ACSM6: variants seen among roughly 807,000 people sequenced by gnomAD.
ACSM6 encodes the protein acyl-CoA synthetase medium chain family member 6, also known as acyl-coenzyme A synthetase ACSM6, mitochondrial.
ACSM6 carries 35 observed loss-of-function variants against 51.1 expected under a neutral mutation model. That is an observed-to-expected ratio of 0.69 (90% confidence interval 0.52 to 0.91). The LOEUF is 0.91. Among genes scored for constraint, ACSM6 ranks in the 40% least tolerant of loss-of-function variants. The probability of loss-of-function intolerance (pLI) is 0.00; values close to 1 mark genes in which losing one functional copy is unlikely to be tolerated. For missense variants in ACSM6, 509 were observed against 584.1 expected, an observed-to-expected ratio of 0.87 and a Z score of 1.32; for synonymous variants, 172 against 207.3, an observed-to-expected ratio of 0.83 and a Z score of 1.46.
At chr10:95,200,078 A>C (rs1291467340) in intron 2 of ACSM6, among the ~76,000 whole-genome samples, 1 of 152,180 alleles carries the variant, frequency 6.6e-6, no homozygotes, top group Non-Finnish European at 1.5e-5. Flanking sequence ...CACTATTCAC[A>C]ATAGCAAAGA....
At chr10:95,210,523 A>C in intron 4 of ACSM6, 127 bp from the exon 5 acceptor site, 2 of 1,005,210 alleles carry the variant, frequency 2.0e-6, no homozygotes, top group Non-Finnish European at 2.8e-6. Context: ...TCTAACAAAT[A>C]ATCCTCAAAT....
intron 3 of ACSM6, among the ~76,000 whole-genome samples, chr10:95,206,733 G>C (rs2034842130): frequency 6.6e-6 from 1 of 152,162 alleles, no homozygotes; most frequent in South Asian, 2.1e-4. Context: ...GTCCACAATA[G>C]GTGTTCTATG....
At chr10:95,220,833 C>T (rs1163736760) in intron 9 of ACSM6, among the ~76,000 whole-genome samples, 3 of 151,968 alleles carry the variant, frequency 2.0e-5, no homozygotes, top group Non-Finnish European at 2.9e-5. Flanking sequence ...ATAGGTACTA[C>T]ATTATATTAA....
At chr10:95,212,721 G>A (rs2034905293) in intron 6 of ACSM6, 137 bp from the exon 7 acceptor site, 1 of 663,118 alleles carries the variant, frequency 1.5e-6, no homozygotes, top group Non-Finnish European at 2.7e-6. Flanking sequence ...AAGTCTTTGA[G>A]ATAAAAGGCA....
At chr10:95,197,669 C>T (rs200295458) in intron 2 of ACSM6, among the ~76,000 whole-genome samples, 1 of 152,004 alleles carries the variant, frequency 6.6e-6, no homozygotes, top group South Asian at 2.1e-4. Context: ...GGTTTTATAC[C>T]GAGACATTCA....
intron 3 of ACSM6, among the ~76,000 whole-genome samples, chr10:95,203,203 C>A (rs1204237607): frequency 6.6e-6 from 1 of 152,094 alleles, no homozygotes; most frequent in Non-Finnish European, 1.5e-5. Flanking sequence ...CTGGGTTGTG[C>A]ACCCCACATG....
At chr10:95,208,456 T>C (rs2034864160) in intron 4 of ACSM6, among the ~76,000 whole-genome samples, 1 of 152,164 alleles carries the variant, frequency 6.6e-6, no homozygotes, top group Admixed American at 6.5e-5. Flanking sequence ...AAAACTGCAC[T>C]TGTTCCCCTT....
intron 3 of ACSM6, among the ~76,000 whole-genome samples, chr10:95,204,783 A>G (rs752322219): frequency 6.6e-6 from 1 of 152,248 alleles, no homozygotes; most frequent in Admixed American, 6.5e-5. Flanking sequence ...AACTCATGGA[A>G]AGGCTTTCTG....
At chr10:95,220,265 A>AT (rs2034983825) in intron 9 of ACSM6, among the ~76,000 whole-genome samples, 1 of 152,224 alleles carries the variant, frequency 6.6e-6, no homozygotes, top group African/African-American at 2.4e-5. Context: ...TATTAAAAAG[A>AT]TATGTGCAAA....
chr10:95,225,217 A>T, intron 9 of ACSM6, 73 bp from the exon 10 acceptor site: 1 of 1,105,918 alleles, frequency 9.0e-7, no homozygotes, highest in Non-Finnish European at 1.3e-6. Flanking sequence ...GCTTAAGTTT[A>T]GATCTTGTGG....
In ACSM6 at chr10:95,207,211, TCACC is replaced by T. The variant is rs1368177121; in HGVS notation, c.408_411del (p.Thr137LeufsTer8). The stretch of plus-strand genomic sequence containing the variant: ...CTTCTTTTGTGGTTTTTTTCAGGAA[TCACC>T]TTTGTGCCTGGGAGCCCCCAGCTGA... On this transcript the variant is annotated frameshift_variant, in exon 4 of 11. Transcript: ENST00000341686. LOFTEE classifies it high-confidence loss of function. The T allele has an allele frequency of 6.2e-7, 1 of 1,613,928 alleles. No homozygotes were observed. Among genetic ancestry groups the T allele is most frequent in the Non-Finnish European group, 8.5e-7 (1 of 1,179,982 alleles).
intron 2 of ACSM6, among the ~76,000 whole-genome samples, chr10:95,196,693 C>A (rs1334288439): frequency 6.6e-6 from 1 of 152,172 alleles, no homozygotes; most frequent in African/African-American, 2.4e-5. Context: ...TTTTTCTCCT[C>A]CAAACACTAT....
intron 9 of ACSM6, among the ~76,000 whole-genome samples, chr10:95,224,913 CTT>C (rs1212186828): frequency 6.6e-6 from 1 of 152,170 alleles, no homozygotes; most frequent in Non-Finnish European, 1.5e-5. Context: ...TTTCTTAAAA[CTT>C]TGTACTAACC....
At position 95,211,763 on chromosome 10, in the gene ACSM6, T is replaced by C. The variant is rs369869603; in HGVS notation, c.756-115T>C. 6.0e-6 allele frequency: 7 copies of C among 1,159,418 alleles called. No individual in the cohort carries two copies. In the South Asian group the frequency reaches 1.2e-4, roughly 19 times the overall value. The allele number at this position is 1,159,418 out of a possible 1,614,324, so 71.8% of individuals were successfully genotyped here. The stretch of plus-strand genomic sequence containing the variant: ...CCTCATAAATAGGCTTTGCCTGTTT[T>C]CATTTGTGTGATCTTTGTTTCTCCC... On this transcript the variant is annotated intron_variant, in intron 5 of 10. Coordinates refer to ENST00000341686, the Ensembl canonical transcript of ACSM6.
rs1328240182 is a variant in ACSM6 at position 95,194,591 on chromosome 10, C to T, written c.106C>T (p.Pro36Ser). 5 of 1,552,146 alleles carry T rather than the reference C, an allele frequency of 3.2e-6. No individual in the cohort carries two copies. The South Asian group carries it at 3.6e-5, about 11-fold the overall frequency. The stretch of plus-strand genomic sequence containing the variant: ...ATGTGCTACTCAGACCATCAGACCC[C>T]CTGACTCCAGGTGCCTAGTCCAAGC... The change falls in exon 2 of 11, where the codon CCT becomes TCT. Residue 36 changes from proline (P) to serine (S), a missense_variant. Pro to Ser is a moderately conservative substitution (Grantham distance 74). Transcript: ENST00000341686.
intron 7 of ACSM6, among the ~76,000 whole-genome samples, chr10:95,213,824 T>G (rs2034919133): frequency 6.6e-6 from 1 of 152,198 alleles, no homozygotes; most frequent in African/African-American, 2.4e-5. Context: ...ATTTTAGCTA[T>G]GTGGGCAAGG....
intron 4 of ACSM6, among the ~76,000 whole-genome samples, chr10:95,207,685 T>C (rs978396360): frequency 2.0e-5 from 3 of 152,208 alleles, no homozygotes; most frequent in African/African-American, 7.2e-5. Context: ...AGTCTTATGT[T>C]CTGATTCATA....
At chr10:95,197,188 C>A (rs1418739464) in intron 2 of ACSM6, among the ~76,000 whole-genome samples, 1 of 152,086 alleles carries the variant, frequency 6.6e-6, no homozygotes, top group Non-Finnish European at 1.5e-5. Context: ...TCAGTAAATT[C>A]TATCATGAAG....
intron 5 of ACSM6, among the ~76,000 whole-genome samples, chr10:95,211,282 A>G (rs990082208): frequency 1.3e-5 from 2 of 152,248 alleles, no homozygotes. Flanking sequence ...TTCAAAGGGC[A>G]CTGAAACTGA....
Sources: gnomAD v4.1 joint callset for allele counts (sites outside exome capture counted in the v4.1 genomes callset) on GRCh38, gnomAD v4.1.1 for gene constraint, MANE v1.5 for transcripts, NCBI Gene and HGNC (gene_info 2026-07-23, HGNC 2026-07-21) for gene names.